RAD51B: variants seen among roughly 807,000 people sequenced by gnomAD.
RAD51B encodes RAD51 paralog B.
In RAD51B, 38 loss-of-function variants were observed where a neutral mutation model predicts 42.2. That is an observed-to-expected ratio of 0.90 (90% CI 0.70 to 1.18). The LOEUF is 1.18. Ranked by LOEUF, RAD51B falls within the 50% of genes most tolerant of loss-of-function variation. The pLI is 0.00. For missense variants in RAD51B, 373 were observed against 400.7 expected (o/e 0.93, Z 0.59); for synonymous variants, 154 against 145.2 (o/e 1.06, Z -0.43).
rs190283395 is a variant in RAD51B at position 68,656,575 on chromosome 14, G to A, written c.*11+5719G>A. Among the ~76,000 whole-genome samples, 19 of 152,200 alleles carry A rather than the reference G, an allele frequency of 1.2e-4. No homozygotes were observed. In the East Asian group the frequency reaches 3.7e-3, roughly 29 times the overall value. On this transcript the variant is annotated intron_variant, in intron 11 of 11. Transcript: ENST00000488612. The stretch of plus-strand genomic sequence containing the variant: ...TCTGTGAGGGGTGCAGAGCAGCTCC[G>A]GGACTCCCACACAGAGCCCCTTTCT...
chr14:67,968,049 G>A (rs1011845563), intron 7 of RAD51B, among the ~76,000 whole-genome samples: 1 of 152,226 alleles, frequency 6.6e-6, no homozygotes, highest in Admixed American at 6.5e-5. Context: ...TGCACCTGCA[G>A]GCTCAACACC....
intron 7 of RAD51B, among the ~76,000 whole-genome samples, chr14:67,937,891 G>C (rs1566968007): frequency 1.3e-5 from 2 of 152,118 alleles, no homozygotes; most frequent in Non-Finnish European, 2.9e-5. Context: ...GCACAGGTAA[G>C]TAACTTTTTT....
intron 8 of RAD51B, among the ~76,000 whole-genome samples, chr14:68,396,946 C>T (rs1415455960): frequency 1.3e-5 from 2 of 152,112 alleles, no homozygotes; most frequent in African/African-American, 4.8e-5. Context: ...ATGAATCAGA[C>T]TCTGGGGTTT....
chr14:67,915,246 G>A (rs893565997), intron 7 of RAD51B, among the ~76,000 whole-genome samples: 4 of 152,132 alleles, frequency 2.6e-5, no homozygotes, highest in African/African-American at 9.7e-5. Context: ...TTGAAATTAT[G>A]TTTTATAAAA....
intron 7 of RAD51B, among the ~76,000 whole-genome samples, chr14:68,056,632 C>T (rs2076479694): frequency 1.3e-5 from 2 of 151,736 alleles, no homozygotes; most frequent in Admixed American, 1.3e-4. Flanking sequence ...GCCTGTAGTC[C>T]CAGCTACTCG....
intron 7 of RAD51B, among the ~76,000 whole-genome samples, chr14:68,105,777 A>T (rs559827151): frequency 2.6e-5 from 4 of 151,948 alleles, no homozygotes; most frequent in Non-Finnish European, 1.5e-5. Context: ...AATGAAAGCA[A>T]CCACTTTTGT....
At chr14:68,330,448 A>T (rs1323285903) in intron 8 of RAD51B, among the ~76,000 whole-genome samples, 1 of 152,220 alleles carries the variant, frequency 6.6e-6, no homozygotes, top group Admixed American at 6.5e-5. Flanking sequence ...GGATTCTTGT[A>T]CTGGGTGTGA....
chr14:67,828,569 A>G (rs1337287283), intron 3 of RAD51B, among the ~76,000 whole-genome samples: 2 of 152,036 alleles, frequency 1.3e-5, no homozygotes, highest in African/African-American at 2.4e-5. Context: ...TATGTTCTGA[A>G]TGGTATTGCC....
intron 10 of RAD51B, among the ~76,000 whole-genome samples, chr14:68,609,832 G>C (rs1891605440): frequency 6.6e-6 from 1 of 152,030 alleles, no homozygotes; most frequent in Admixed American, 6.5e-5. Flanking sequence ...CAACCCCCTA[G>C]CTGCCTCCTC....
chr14:68,602,870 G>A (rs761650960), intron 10 of RAD51B, among the ~76,000 whole-genome samples: 7 of 152,150 alleles, frequency 4.6e-5, no homozygotes, highest in African/African-American at 1.4e-4. Context: ...AGCAGTGCTC[G>A]TATAAATCTC....
Position 67,835,154 on chromosome 14 carries a change from C to T in RAD51B, c.273C>T (p.Asp91=), listed in dbSNP as rs61987495. Residue 91 remains aspartate (D), a synonymous_variant, in exon 4 of 11, where the codon GAC becomes GAT. Coordinates refer to ENST00000471583, the MANE Select transcript of RAD51B (RefSeq NM_133510.4). ...AFLSTTLSAL[D]EALHGGVACG... ...TATCTACTACCCTTTCTGCTTTGGA[C>T]GAAGCCCTGCATGGTGGTGTGGCTT... is the stretch of plus-strand genomic sequence containing the variant. 5.2e-5 allele frequency: 84 copies of T among 1,613,866 alleles called. 1 individual carries two copies. In the African/African-American group the frequency reaches 5.9e-4, roughly 11 times the overall value.
At chr14:68,358,453 A>C (rs1486309474) in intron 8 of RAD51B, among the ~76,000 whole-genome samples, 2 of 152,240 alleles carry the variant, frequency 1.3e-5, no homozygotes, top group Non-Finnish European at 2.9e-5. Flanking sequence ...ACTACCTGTC[A>C]GGAATGTATC....
chr14:67,940,839 A>C (rs28516665), intron 7 of RAD51B, among the ~76,000 whole-genome samples: 9,090 of 152,142 alleles, frequency 0.06, 636 homozygotes, highest in African/African-American at 0.17. Flanking sequence ...CATATTATAC[A>C]AATGTTCGCT....
At position 67,981,982 on chromosome 14, in the gene RAD51B, G is replaced by A. The variant is rs181319785; in HGVS notation, c.756+94778G>A. Among the ~76,000 whole-genome samples, 455 of 152,186 alleles carry A rather than the reference G, an allele frequency of 3.0e-3. 1 individual carries two copies. Among genetic ancestry groups the A allele is most frequent in the Non-Finnish European group, 4.9e-3 (334 of 68,012 alleles). On this transcript the variant is annotated intron_variant, in intron 7 of 10. Coordinates refer to ENST00000471583, the MANE Select transcript of RAD51B (RefSeq NM_133510.4). ...GACAGAGTCTCGCATTGTCACTCAG[G>A]CTATAATGCAGTGGCGCAGTCTAGG... is the stretch of plus-strand genomic sequence containing the variant.
intron 2 of RAD51B, 22 bp downstream of exon 2, chr14:67,823,649 T>C: frequency 6.3e-7 from 1 of 1,583,314 alleles, no homozygotes; most frequent in Non-Finnish European, 8.7e-7. Flanking sequence ...TTAACATTTT[T>C]ATTGATAAGT....
At chr14:68,015,600 G>A (rs1414664424) in intron 7 of RAD51B, among the ~76,000 whole-genome samples, 5 of 152,096 alleles carry the variant, frequency 3.3e-5, no homozygotes, top group Non-Finnish European at 5.9e-5. Context: ...CAGATTTCGG[G>A]AGACTTATTC....
intron 9 of RAD51B, among the ~76,000 whole-genome samples, chr14:68,441,221 C>T (rs1045033054): frequency 1.3e-5 from 2 of 152,188 alleles, no homozygotes; most frequent in South Asian, 2.1e-4. Flanking sequence ...CATGAGAAGA[C>T]CATAATTTTT....
At chr14:67,871,853 T>G (rs201528415) in intron 5 of RAD51B, among the ~76,000 whole-genome samples, 48,132 of 151,902 alleles carry the variant, frequency 0.32, 8,212 homozygotes, top group Middle Eastern at 0.46. Context: ...ATTATCTCAA[T>G]AGATGCAGAA....
rs929583120 is a variant in RAD51B at position 68,092,811 on chromosome 14, G to A, written c.757-199073G>A. Reference sequence around the variant, plus strand: ...AAGGGAATGCTTCCAGTTTTTGTCCGTTCAGTATGATATTGGCTGTGGGTT... The same window carrying A: ...AAGGGAATGCTTCCAGTTTTTGTCCATTCAGTATGATATTGGCTGTGGGTT... On this transcript the variant is annotated intron_variant, in intron 7 of 10. Coordinates refer to ENST00000471583, the MANE Select transcript of RAD51B (RefSeq NM_133510.4). 7.2e-4 allele frequency among the ~76,000 whole-genome samples: 109 copies of A among 152,160 alleles called. 1 individual carries two copies. The highest frequency in any genetic ancestry group is 3.4e-3 in the Middle Eastern group (1 of 294).
Sources: gnomAD v4.1 joint callset for allele counts (sites outside exome capture counted in the v4.1 genomes callset) on GRCh38, gnomAD v4.1.1 for gene constraint, MANE v1.5 for transcripts, NCBI Gene and HGNC (gene_info 2026-07-23, HGNC 2026-07-21) for gene names.